Variants in AKR1C8 observed in about 807,000 individuals in gnomAD.
AKR1C8 encodes the protein aldo-keto reductase family 1 member C-like protein 1.
chr10:5,136,615 A>G, the AKR1C8 span, among the ~76,000 whole-genome samples: 2 of 152,180 alleles, frequency 1.3e-5, no homozygotes, highest in Non-Finnish European at 1.5e-5. Context: ...GTGTAAAATG[A>G]TATCTTAATG....
chr10:5,176,652 C>A, the AKR1C8 span, among the ~76,000 whole-genome samples: 3 of 151,896 alleles, frequency 2.0e-5, no homozygotes, highest in Admixed American at 6.6e-5. Flanking sequence ...CTTTTATTTC[C>A]TTAAGCAGTG....
the AKR1C8 span, among the ~76,000 whole-genome samples, chr10:5,136,413 T>A: frequency 6.6e-6 from 1 of 151,078 alleles, no homozygotes; most frequent in African/African-American, 2.4e-5. Flanking sequence ...CCACGTGTGG[T>A]GGCAAATGCC....
chr10:5,183,501 A>G, the AKR1C8 span, among the ~76,000 whole-genome samples: 5 of 152,208 alleles, frequency 3.3e-5, no homozygotes, highest in East Asian at 1.9e-4. Context: ...AAAAACTATC[A>G]AACTCTAAAT....
the AKR1C8 span, among the ~76,000 whole-genome samples, chr10:5,118,355 T>C: frequency 6.8e-5 from 4 of 59,232 alleles, no homozygotes; most frequent in African/African-American, 2.7e-4. Flanking sequence ...CCTATGTGTC[T>C]AGATTCTTCT....
the AKR1C8 span, among the ~76,000 whole-genome samples, chr10:5,180,918 T>C: frequency 2.6e-5 from 4 of 152,234 alleles, no homozygotes; most frequent in Admixed American, 1.3e-4. Flanking sequence ...GAAAGGGAAC[T>C]CCCTGACCCC....
chr10:5,131,432 C>T, the AKR1C8 span, among the ~76,000 whole-genome samples: 1 of 152,134 alleles, frequency 6.6e-6, no homozygotes, highest in Admixed American at 6.6e-5. Flanking sequence ...AACTACGCTT[C>T]CATCAAAGGA....
At chr10:5,122,447 C>A in the AKR1C8 span, among the ~76,000 whole-genome samples, 1 of 152,136 alleles carries the variant, frequency 6.6e-6, no homozygotes, top group Non-Finnish European at 1.5e-5. Context: ...AAAAGGAAAT[C>A]ACTTGTTTTA....
the AKR1C8 span, among the ~76,000 whole-genome samples, chr10:5,144,507 C>T: frequency 2.6e-5 from 4 of 151,328 alleles, no homozygotes; most frequent in South Asian, 8.3e-4. Flanking sequence ...TACCCATGAG[C>T]ATGGAATGTT....
the AKR1C8 span, among the ~76,000 whole-genome samples, chr10:5,147,684 C>A: frequency 2.0e-5 from 3 of 152,134 alleles, no homozygotes; most frequent in African/African-American, 7.2e-5. Context: ...TGCAAAGGGC[C>A]AGCTCTCAAG....
the AKR1C8 span, among the ~76,000 whole-genome samples, chr10:5,146,578 A>G: frequency 6.6e-6 from 1 of 152,146 alleles, no homozygotes; most frequent in East Asian, 1.9e-4. Context: ...AACTATCCAC[A>G]TTACCATACT....
At chr10:5,185,025 T>C in the AKR1C8 span, 1 of 534,702 alleles carries the variant, frequency 1.9e-6, no homozygotes, top group Non-Finnish European at 3.8e-6. Context: ...ATCAGGAGCA[T>C]AAGTGCCAAA....
the AKR1C8 span, chr10:5,157,902 G>A: frequency 2.8e-6 from 1 of 361,356 alleles, no homozygotes; most frequent in Non-Finnish European, 5.6e-6. Flanking sequence ...GAGAGGAGTG[G>A]GCACAATACA....
the AKR1C8 span, among the ~76,000 whole-genome samples, chr10:5,129,922 G>A: frequency 6.6e-6 from 1 of 151,894 alleles, no homozygotes; most frequent in East Asian, 1.9e-4. Flanking sequence ...ATTCTGTGAA[G>A]CCAGTATCAC....
At chr10:5,144,578 A>G in the AKR1C8 span, among the ~76,000 whole-genome samples, 80,846 of 149,538 alleles carry the variant, frequency 0.54, 22,779 homozygotes, top group Non-Finnish European at 0.6. Context: ...TCTCCTTGAA[A>G]AGGTCCTTCA....
chr10:5,152,222 A>G, the AKR1C8 span, among the ~76,000 whole-genome samples: 5,235 of 152,272 alleles, frequency 0.034, 144 homozygotes, highest in Middle Eastern at 0.071. Context: ...AATAATAAAA[A>G]CTCAAGAACA....
chr10:5,177,450 T>A, the AKR1C8 span, among the ~76,000 whole-genome samples: 1 of 152,146 alleles, frequency 6.6e-6, no homozygotes, highest in Non-Finnish European at 1.5e-5. Context: ...CTTTTTTTGT[T>A]GTGTCTCTGC....
the AKR1C8 span, among the ~76,000 whole-genome samples, chr10:5,172,319 C>CA: frequency 6.6e-6 from 1 of 151,982 alleles, no homozygotes; most frequent in African/African-American, 2.4e-5. Flanking sequence ...TTTAAACAAC[C>CA]AGTTAATTTA....
At chr10:5,137,753 C>G in the AKR1C8 span, among the ~76,000 whole-genome samples, 1 of 151,962 alleles carries the variant, frequency 6.6e-6, no homozygotes, top group Admixed American at 6.6e-5. Flanking sequence ...TAAAGAGAGA[C>G]AGTATAAAGA....
At chr10:5,127,578 G>T in the AKR1C8 span, among the ~76,000 whole-genome samples, 2 of 149,962 alleles carry the variant, frequency 1.3e-5, no homozygotes, top group African/African-American at 4.9e-5. Flanking sequence ...AATTAGCCTG[G>T]CATGCTGGCA....
Sources: gnomAD v4.1 joint callset for allele counts (sites outside exome capture counted in the v4.1 genomes callset) on GRCh38, gnomAD v4.1.1 for gene constraint, MANE v1.5 for transcripts, NCBI Gene and HGNC (gene_info 2026-07-23, HGNC 2026-07-21) for gene names.